Variants in CPEB1 observed in about 807,000 individuals in gnomAD.
The protein encoded by CPEB1 is cytoplasmic polyadenylation element binding protein 1, also known as cytoplasmic polyadenylation element-binding protein 1.
In CPEB1, 7 loss-of-function variants were observed where a neutral mutation model predicts 65.8. That is an observed-to-expected ratio of 0.11 (90% confidence interval 0.06 to 0.20). The LOEUF (loss-of-function observed/expected upper bound fraction) is 0.20. Ranked by LOEUF, CPEB1 falls within the 10% of genes least tolerant of loss-of-function variation. The probability of loss-of-function intolerance (pLI) is 1.00; values close to 1 mark genes in which losing one functional copy is unlikely to be tolerated. For synonymous variants in CPEB1, 262 were observed against 260.0 expected, an observed-to-expected ratio of 1.01 and a Z score of -0.08; for missense variants, 551 against 712.2, an observed-to-expected ratio of 0.77 and a Z score of 2.58.
chr15:82,588,118 AT>A (rs11337546), intron 3 of CPEB1, among the ~76,000 whole-genome samples: 70,213 of 149,408 alleles, frequency 0.47, 16,640 homozygotes, highest in African/African-American at 0.57. Context: ...TTGTTTTTGT[AT>A]TTTTTTTTTG....
intron 1 of CPEB1, chr15:82,630,025 C>A (rs902041118): frequency 1.0e-6 from 1 of 985,402 alleles, no homozygotes; most frequent in Middle Eastern, 5.2e-4. Flanking sequence ...CAGTGACACA[C>A]AAGGCCCTTT....
intron 3 of CPEB1, among the ~76,000 whole-genome samples, chr15:82,604,593 T>C (rs550803623): frequency 2.9e-4 from 44 of 150,806 alleles, no homozygotes; most frequent in Middle Eastern, 3.4e-3. Flanking sequence ...AAATTACATA[T>C]AAAAAAGAAC....
At chr15:82,588,089 GTTT>G (rs758412445) in intron 3 of CPEB1, among the ~76,000 whole-genome samples, 2 of 145,086 alleles carry the variant, frequency 1.4e-5, no homozygotes, top group Non-Finnish European at 3.0e-5. Context: ...ATCCAACTAG[GTTT>G]TTTTTTGTTT....
At chr15:82,630,459 A>C (rs1352833691) in intron 1 of CPEB1, among the ~76,000 whole-genome samples, 1 of 152,122 alleles carries the variant, frequency 6.6e-6, no homozygotes, top group Non-Finnish European at 1.5e-5. Flanking sequence ...ACAAAACATT[A>C]GACAGGTATG....
chr15:82,573,249 TAAAG>T, intron 3 of CPEB1: 7 of 939,070 alleles, frequency 7.5e-6, no homozygotes, highest in Non-Finnish European at 1.1e-5. Context: ...TTTTTTTTTT[TAAAG>T]CTTTGCTGCT....
At chr15:82,570,060 AC>A (rs1458203656) in intron 4 of CPEB1, among the ~76,000 whole-genome samples, 1 of 152,036 alleles carries the variant, frequency 6.6e-6, no homozygotes, top group Non-Finnish European at 1.5e-5. Flanking sequence ...ACTTCAAGAA[AC>A]CCTATCTTAA....
At chr15:82,621,832 C>A (rs1168324057) in intron 3 of CPEB1, among the ~76,000 whole-genome samples, 2 of 152,158 alleles carry the variant, frequency 1.3e-5, no homozygotes, top group African/African-American at 4.8e-5. Flanking sequence ...CATATCAGTG[C>A]TAAACCTTAC....
chr15:82,610,958 C>CAAAAAAAAAAAAAAAAAAAAAAAAAAAAA (rs60065545), intron 3 of CPEB1, among the ~76,000 whole-genome samples: 1 of 30,022 alleles, frequency 3.3e-5, no homozygotes, highest in Non-Finnish European at 5.6e-5. Context: ...ACTCCAGTCT[C>CAAAAAAAAAAAAAAAAAAAAAAAAAAAAA]AAAAAAAAAA....
chr15:82,604,965 C>T (rs999522924), intron 3 of CPEB1, among the ~76,000 whole-genome samples: 2 of 151,982 alleles, frequency 1.3e-5, no homozygotes, highest in Non-Finnish European at 2.9e-5. Flanking sequence ...GGTCAAAAGC[C>T]GGAGACATAG....
At chr15:82,606,841 T>C (rs1274311688) in intron 3 of CPEB1, among the ~76,000 whole-genome samples, 10 of 138,286 alleles carry the variant, frequency 7.2e-5, no homozygotes, top group Non-Finnish European at 1.4e-4. Context: ...AAAAAATACA[T>C]AGTAAAAGAG....
intron 3 of CPEB1, among the ~76,000 whole-genome samples, chr15:82,604,485 CAAA>C (rs1232646711): frequency 6.2e-5 from 5 of 80,492 alleles, no homozygotes; most frequent in Non-Finnish European, 5.1e-5. Context: ...GACTCCATCT[CAAA>C]AAAAAAAAAA....
In CPEB1 at chr15:82,546,425, T is replaced by TAGACATCGGACCC; in HGVS notation, c.1656+3_1656+15dup. 3 of 1,607,866 alleles carry TAGACATCGGACCC rather than the reference T, an allele frequency of 1.9e-6. No individual in the cohort carries two copies. The highest frequency in any genetic ancestry group is 2.6e-6 in the Non-Finnish European group (3 of 1,174,412). On this transcript the variant is annotated intron_variant, in intron 12 of 12. Coordinates refer to ENST00000684509, the MANE Select transcript of CPEB1 (RefSeq NM_001365242.1). The stretch of plus-strand genomic sequence containing the variant: ...TTTTTAATAGAGGGCAGGGACTTCA[T>TAGACATCGGACCC]AGACATCGGACCCACCTGATCTCGA...
At chr15:82,639,068 G>T (rs189418024) in intron 1 of CPEB1, among the ~76,000 whole-genome samples, 2 of 152,246 alleles carry the variant, frequency 1.3e-5, no homozygotes, top group Non-Finnish European at 2.9e-5. Context: ...CCTCTTAAAG[G>T]GTTTTGGTGA....
chr15:82,578,586 T>C (rs2040909400), intron 3 of CPEB1, among the ~76,000 whole-genome samples: 1 of 151,962 alleles, frequency 6.6e-6, no homozygotes, highest in South Asian at 2.1e-4. Flanking sequence ...CGAAACCCCA[T>C]CTCAACTAAA....
intron 3 of CPEB1, among the ~76,000 whole-genome samples, chr15:82,586,132 G>A (rs1231104326): frequency 6.6e-6 from 1 of 151,846 alleles, no homozygotes; most frequent in Admixed American, 6.6e-5. Context: ...GGCCTAATAG[G>A]GGAACAGTAG....
chr15:82,577,890 C>T (rs1008099200), intron 3 of CPEB1, among the ~76,000 whole-genome samples: 1 of 151,990 alleles, frequency 6.6e-6, no homozygotes, highest in Admixed American at 6.6e-5. Context: ...CCTGTAATCC[C>T]AGCACTTTGG....
At chr15:82,628,148 G>GA in intron 2 of CPEB1, 1 of 696,702 alleles carries the variant, frequency 1.4e-6, no homozygotes, top group South Asian at 1.5e-5. Flanking sequence ...CAGTGACAAT[G>GA]CCATCATTGT....
intron 1 of CPEB1, among the ~76,000 whole-genome samples, chr15:82,639,843 GCAAA>G (rs1374912538): frequency 6.8e-6 from 1 of 147,670 alleles, no homozygotes; most frequent in Non-Finnish European, 1.5e-5. Flanking sequence ...ACACACACGC[GCAAA>G]CACTCTCTCT....
At position 82,595,201 on chromosome 15, in the gene CPEB1, G is replaced by A. The variant is rs368543580; in HGVS notation, c.272-23669C>T. Among the ~76,000 whole-genome samples the A allele has an allele frequency of 1.5e-3, 222 of 152,296 alleles. 1 individual carries two copies. The highest frequency in any genetic ancestry group is 5.1e-3 in the African/African-American group (212 of 41,558). On this transcript the variant is annotated intron_variant, in intron 3 of 12. Coordinates refer to ENST00000684509, the MANE Select transcript of CPEB1 (RefSeq NM_001365242.1). Reference sequence around the variant, plus strand: ...ATGAGGTATGCCTGTACTACATTCTGTTCATCCATTCATCACCAGTTAATA... The same window carrying A: ...ATGAGGTATGCCTGTACTACATTCTATTCATCCATTCATCACCAGTTAATA...
Sources: gnomAD v4.1 joint callset for allele counts (sites outside exome capture counted in the v4.1 genomes callset) on GRCh38, gnomAD v4.1.1 for gene constraint, MANE v1.5 for transcripts, NCBI Gene and HGNC (gene_info 2026-07-23, HGNC 2026-07-21) for gene names.